Variants in ELF2 observed in about 807,000 individuals in gnomAD.
The protein encoded by ELF2 is ETS-related transcription factor Elf-2.
Under a neutral mutation model 54.8 loss-of-function variants are expected in ELF2, and 11 were observed. The ratio of observed to expected loss-of-function variants is 0.20; its 90% CI spans 0.13 to 0.33. The LOEUF (loss-of-function observed/expected upper bound fraction) is 0.33. ELF2 is among the 10% of genes least tolerant of loss of function. The probability of loss-of-function intolerance (pLI) is 1.00; values close to 1 mark genes in which losing one functional copy is unlikely to be tolerated. For missense variants in ELF2, 513 were observed against 703.0 expected (o/e 0.73, Z 3.06); for synonymous variants, 203 against 245.1 (o/e 0.83, Z 1.61).
intron 1 of ELF2, among the ~76,000 whole-genome samples, chr4:139,151,039 A>AGGAAG (rs1491194335): frequency 1.7e-5 from 1 of 59,240 alleles, no homozygotes; most frequent in African/African-American, 4.4e-5. Context: ...AAAAAAAGAA[A>AGGAAG]GAAAGAAAGA....
At chr4:139,083,123 G>C (rs1030922999) in intron 4 of ELF2, among the ~76,000 whole-genome samples, 1 of 151,896 alleles carries the variant, frequency 6.6e-6, no homozygotes, top group Non-Finnish European at 1.5e-5. Flanking sequence ...GGAACCAGAG[G>C]CCTGTCAATC....
intron 4 of ELF2, among the ~76,000 whole-genome samples, chr4:139,087,516 A>G (rs1334717957): frequency 6.6e-6 from 1 of 152,178 alleles, no homozygotes; most frequent in East Asian, 1.9e-4. Flanking sequence ...CCCAGGCTGG[A>G]GTACAGTGGC....
intron 1 of ELF2, among the ~76,000 whole-genome samples, chr4:139,174,117 G>A (rs191399402): frequency 8.1e-5 from 12 of 148,850 alleles, no homozygotes; most frequent in African/African-American, 2.2e-4. Context: ...CCTGTGGCAG[G>A]AGAATCGCTT....
chr4:139,137,426 T>C (rs1560854929), intron 3 of ELF2: 1 of 600,158 alleles, frequency 1.7e-6, no homozygotes, highest in East Asian at 2.8e-5. Flanking sequence ...CTAATATATG[T>C]ATGTTCCAAC....
At chr4:139,163,726 C>A (rs1413617327) in intron 1 of ELF2, among the ~76,000 whole-genome samples, 1 of 152,018 alleles carries the variant, frequency 6.6e-6, no homozygotes, top group Non-Finnish European at 1.5e-5. Flanking sequence ...CCAGCCTGTT[C>A]AACACAATGA....
chr4:139,144,637 A>G (rs771531268), intron 1 of ELF2, among the ~76,000 whole-genome samples: 7 of 152,204 alleles, frequency 4.6e-5, no homozygotes, highest in Non-Finnish European at 1.0e-4. Flanking sequence ...GAATTTAGCT[A>G]GCTGCTGCTA....
intron 1 of ELF2, among the ~76,000 whole-genome samples, chr4:139,154,589 A>G (rs79934615): frequency 6.6e-6 from 1 of 151,712 alleles, no homozygotes; most frequent in African/African-American, 2.4e-5. Flanking sequence ...AAAAAAAAAA[A>G]GCTACATACT....
At chr4:139,147,379 G>C (rs1739321582) in intron 1 of ELF2, among the ~76,000 whole-genome samples, 1 of 152,132 alleles carries the variant, frequency 6.6e-6, no homozygotes, top group Admixed American at 6.5e-5. Flanking sequence ...TAAGACAAAA[G>C]ACAATAGATA....
chr4:139,146,230 C>T (rs1008875389), intron 1 of ELF2, among the ~76,000 whole-genome samples: 7 of 152,290 alleles, frequency 4.6e-5, no homozygotes, highest in African/African-American at 9.6e-5. Context: ...TATACAACAA[C>T]GACCAAGCTG....
At chr4:139,091,309 C>T (rs1732550102) in intron 4 of ELF2, among the ~76,000 whole-genome samples, 2 of 151,918 alleles carry the variant, frequency 1.3e-5, no homozygotes, top group Non-Finnish European at 2.9e-5. Context: ...AAACGAATTA[C>T]AATAAAAAAT....
chr4:139,067,631 CA>C (rs1728902808), intron 7 of ELF2, 52 bp downstream of exon 7: 1 of 1,567,664 alleles, frequency 6.4e-7, no homozygotes, highest in Admixed American at 1.7e-5. Context: ...ACAAAAATGT[CA>C]CCTAACTGAA....
At chr4:139,132,377 T>G (rs969450767) in intron 3 of ELF2, among the ~76,000 whole-genome samples, 1 of 152,052 alleles carries the variant, frequency 6.6e-6, no homozygotes, top group Admixed American at 6.6e-5. Context: ...AGTCAAGAAA[T>G]AGAACATTTC....
At chr4:139,086,354 T>G (rs1277802809) in intron 4 of ELF2, among the ~76,000 whole-genome samples, 1 of 152,142 alleles carries the variant, frequency 6.6e-6, no homozygotes, top group African/African-American at 2.4e-5. Context: ...AATCATATAG[T>G]TTAGGAGCAC....
At chr4:139,134,316 AC>A (rs1465770504) in intron 3 of ELF2, among the ~76,000 whole-genome samples, 1 of 151,460 alleles carries the variant, frequency 6.6e-6, no homozygotes, top group African/African-American at 2.4e-5. Flanking sequence ...ATGGCATTCT[AC>A]CATTTATACA....
chr4:139,119,878 A>G (rs1165867597), intron 4 of ELF2, among the ~76,000 whole-genome samples: 1 of 152,100 alleles, frequency 6.6e-6, no homozygotes, highest in East Asian at 1.9e-4. Context: ...GGTTCAGGCA[A>G]TTCTCTTGCC....
chr4:139,094,318 T>C (rs1032010968), intron 4 of ELF2, among the ~76,000 whole-genome samples: 4 of 152,166 alleles, frequency 2.6e-5, no homozygotes, highest in African/African-American at 7.2e-5. Flanking sequence ...CAGATGACCA[T>C]AGATACAGGA....
At chr4:139,168,606 G>C (rs1258515248) in intron 1 of ELF2, among the ~76,000 whole-genome samples, 1 of 152,164 alleles carries the variant, frequency 6.6e-6, no homozygotes, top group African/African-American at 2.4e-5. Context: ...CTCCTAGTTT[G>C]ACAAGCACTC....
At chr4:139,149,216 T>A (rs761726704) in intron 1 of ELF2, among the ~76,000 whole-genome samples, 12 of 152,274 alleles carry the variant, frequency 7.9e-5, no homozygotes, top group South Asian at 2.1e-4. Flanking sequence ...TCTTCAGATA[T>A]TAGAAGAAAA....
chr4:139,067,828 G>C lies in ELF2; in HGVS notation c.527-58C>G, dbSNP rs910814502. 7 of 1,469,064 alleles carry C rather than the reference G, an allele frequency of 4.8e-6. No individual in the cohort carries two copies. In the Admixed American group the frequency reaches 9.9e-5, roughly 21 times the overall value. 91.0% of individuals were successfully genotyped at this position (1,469,064 alleles called of 1,614,324 possible). ...AAAACAAGAAAAATATGAGAGGCAC[G>C]ATTAGCAGACTTTCTGATTACACAT... On this transcript the variant is annotated intron_variant, in intron 6 of 9. Coordinates refer to ENST00000686138, the MANE Select transcript of ELF2 (RefSeq NM_001331036.3).
Sources: gnomAD v4.1 joint callset for allele counts (sites outside exome capture counted in the v4.1 genomes callset) on GRCh38, gnomAD v4.1.1 for gene constraint, MANE v1.5 for transcripts, NCBI Gene and HGNC (gene_info 2026-07-23, HGNC 2026-07-21) for gene names.